Variants in TSPAN7 observed in about 807,000 individuals in gnomAD.
The protein encoded by TSPAN7 is tetraspanin 7, also known as tetraspanin-7.
In TSPAN7, 1 loss-of-function variant was observed where a neutral mutation model predicts 17.6. The ratio of observed to expected loss-of-function variants is 0.06; its 90% CI spans 0.02 to 0.27. The LOEUF (loss-of-function observed/expected upper bound fraction) is 0.27, where lower values mean the gene tolerates loss of function less well. Ranked by LOEUF, TSPAN7 falls within the 10% of genes least tolerant of loss-of-function variation. The probability of loss-of-function intolerance (pLI) is 1.00; values close to 1 mark genes in which losing one functional copy is unlikely to be tolerated. For missense variants in TSPAN7, 112 were observed against 201.7 expected, an observed-to-expected ratio of 0.56 and a Z score of 2.69; for synonymous variants, 78 against 79.0, an observed-to-expected ratio of 0.99 and a Z score of 0.07.
intron 1 of TSPAN7, among the ~76,000 whole-genome samples, chrX:38,639,128 G>C (rs956642383): frequency 9.0e-6 from 1 of 111,202 alleles, no homozygotes; most frequent in Non-Finnish European, 1.9e-5. Flanking sequence ...CTTTAGAAGG[G>C]ACTTCTCGTG....
chrX:38,674,860 A>G (rs1034198745), intron 4 of TSPAN7, among the ~76,000 whole-genome samples: 1 of 111,444 alleles, frequency 9.0e-6, no homozygotes, highest in African/African-American at 3.3e-5. Flanking sequence ...GCTGGCACTC[A>G]AGCATAACTG....
chrX:38,658,119 G>A (rs201390880), intron 1 of TSPAN7, among the ~76,000 whole-genome samples: 1 of 96,693 alleles, frequency 1.0e-5, no homozygotes, highest in Non-Finnish European at 2.1e-5. Flanking sequence ...CAAAAATAAA[G>A]AGTACCCTGT....
At chrX:38,633,526 G>A (rs1486925519) in intron 1 of TSPAN7, among the ~76,000 whole-genome samples, 2 of 112,572 alleles carry the variant, frequency 1.8e-5, no homozygotes, top group Non-Finnish European at 3.8e-5. Context: ...GAGTGTGATA[G>A]TAATATAGCT....
intron 1 of TSPAN7, among the ~76,000 whole-genome samples, chrX:38,594,017 C>G (rs1033342154): frequency 5.4e-5 from 6 of 111,769 alleles, no homozygotes; most frequent in African/African-American, 2.0e-4. Flanking sequence ...AGCCTTCTTT[C>G]TCTGATAGTG....
intron 1 of TSPAN7, among the ~76,000 whole-genome samples, chrX:38,659,823 C>CTTT (rs748922281): frequency 2.1e-4 from 13 of 61,567 alleles, no homozygotes; most frequent in East Asian, 5.6e-4. Context: ...TTTTCTTTTT[C>CTTT]TTTTTTTTTT....
At chrX:38,600,023 A>G (rs2069337567) in intron 1 of TSPAN7, among the ~76,000 whole-genome samples, 1 of 111,679 alleles carries the variant, frequency 9.0e-6, no homozygotes, top group Non-Finnish European at 1.9e-5. Flanking sequence ...TGCCTTCACA[A>G]TGAACTAGTT....
chrX:38,681,393 A>G (rs1297134105), intron 6 of TSPAN7, 106 bp downstream of exon 6: 1 of 669,942 alleles, frequency 1.5e-6, no homozygotes, highest in Non-Finnish European at 2.4e-6. Flanking sequence ...AAGCTGATAG[A>G]TGGGGTCAAA....
intron 2 of TSPAN7, among the ~76,000 whole-genome samples, chrX:38,666,743 C>T (rs1005563792): frequency 3.6e-5 from 4 of 110,188 alleles, no homozygotes; most frequent in Non-Finnish European, 7.6e-5. Flanking sequence ...GGACTACAGG[C>T]GCCCGCCACC....
chrX:38,624,533 A>G (rs188379327), intron 1 of TSPAN7, among the ~76,000 whole-genome samples: 122 of 112,753 alleles, frequency 1.1e-3, no homozygotes, highest in African/African-American at 3.7e-3. Context: ...CAGTAACCTT[A>G]CAGGTCACTG....
intron 1 of TSPAN7, among the ~76,000 whole-genome samples, chrX:38,632,452 G>C (rs949319715): frequency 2.7e-5 from 3 of 112,282 alleles, no homozygotes; most frequent in Non-Finnish European, 5.6e-5. Flanking sequence ...AGAGAATCGT[G>C]TTAACAAGAA....
chrX:38,610,338 T>C (rs1298707546), intron 1 of TSPAN7, among the ~76,000 whole-genome samples: 1 of 112,174 alleles, frequency 8.9e-6, no homozygotes, highest in Non-Finnish European at 1.9e-5. Flanking sequence ...CAAGATTCTG[T>C]GCTCTTAATT....
intron 1 of TSPAN7, among the ~76,000 whole-genome samples, chrX:38,640,779 G>A (rs2069607724): frequency 8.9e-6 from 1 of 112,357 alleles, no homozygotes; most frequent in African/African-American, 3.2e-5. Flanking sequence ...AGGAAAGATT[G>A]GAGAAAGATC....
chrX:38,575,584 C>T (rs2069189960), intron 1 of TSPAN7, among the ~76,000 whole-genome samples: 1 of 111,282 alleles, frequency 9.0e-6, no homozygotes, highest in African/African-American at 3.3e-5. Flanking sequence ...TTGGAGCCCT[C>T]ACTTAGATGA....
At chrX:38,574,191 C>T (rs779251876) in intron 1 of TSPAN7, among the ~76,000 whole-genome samples, 12 of 111,861 alleles carry the variant, frequency 1.1e-4, no homozygotes, top group Admixed American at 3.8e-4. Context: ...TTATTTGAGC[C>T]GATCAGAAAC....
chrX:38,683,878 A>T (rs956555077), intron 6 of TSPAN7, among the ~76,000 whole-genome samples: 2 of 113,192 alleles, frequency 1.8e-5, no homozygotes, highest in Non-Finnish European at 3.7e-5. Flanking sequence ...CCAATGTCAT[A>T]GTAAAATTTA....
chrX:38,574,051 G>C (rs1290510703), intron 1 of TSPAN7, among the ~76,000 whole-genome samples: 1 of 112,044 alleles, frequency 8.9e-6, no homozygotes, highest in Non-Finnish European at 1.9e-5. Context: ...ACACTTATGT[G>C]AAGAGTTATG....
At chrX:38,562,589 A>C in intron 1 of TSPAN7, among the ~76,000 whole-genome samples, 1 of 96,385 alleles carries the variant, frequency 1.0e-5, no homozygotes, top group East Asian at 3.5e-4. Flanking sequence ...GAGGAGGAGG[A>C]GGAGGGGGCT....
Position 38,568,260 on chromosome X carries a change from C to T in TSPAN7, c.81+6633C>T, listed in dbSNP as rs375310207. 4.1e-3 allele frequency among the ~76,000 whole-genome samples: 441 copies of T among 107,235 alleles called. 2 individuals are homozygous for T. The highest frequency in any genetic ancestry group is 0.014 in the African/African-American group (423 of 29,436). The allele number at this position is 107,235 out of a possible 115,157, so 93.1% of individuals were successfully genotyped here. A position where few individuals can be genotyped will look rare whatever the true frequency, so the allele number is the denominator to read the frequency against. The stretch of plus-strand genomic sequence containing the variant: ...CCTGTCTCCTTTTACGTTGGATCCT[C>T]GGTTTTTGAGATGTCATGTCTTTCT... On this transcript the variant is annotated intron_variant, in intron 1 of 7. Transcript: ENST00000378482.
intron 1 of TSPAN7, among the ~76,000 whole-genome samples, chrX:38,589,238 C>G (rs183260281): frequency 2.7e-5 from 3 of 111,861 alleles, no homozygotes; most frequent in Middle Eastern, 9.2e-3. Context: ...TCTTGCTGTA[C>G]CAGATTTGTG....
Sources: gnomAD v4.1 joint callset for allele counts (sites outside exome capture counted in the v4.1 genomes callset) on GRCh38, gnomAD v4.1.1 for gene constraint, MANE v1.5 for transcripts, NCBI Gene and HGNC (gene_info 2026-07-23, HGNC 2026-07-21) for gene names.